LRRC7: variants seen among roughly 807,000 people sequenced by gnomAD.
The protein encoded by LRRC7 is leucine-rich repeat-containing protein 7.
LRRC7 carries 23 observed loss-of-function variants against 175.7 expected under a neutral mutation model. The ratio of observed to expected loss-of-function variants is 0.13; its 90% CI spans 0.09 to 0.19. The LOEUF is 0.19. Ranked by LOEUF, LRRC7 falls within the 10% of genes least tolerant of loss-of-function variation. The probability of loss-of-function intolerance (pLI) is 1.00; values close to 1 mark genes in which losing one functional copy is unlikely to be tolerated. For synonymous variants in LRRC7, 685 were observed against 680.9 expected, an observed-to-expected ratio of 1.01 and a Z score of -0.09; for missense variants, 1,354 against 1,904.7, an observed-to-expected ratio of 0.71 and a Z score of 5.38.
intron 1 of LRRC7, among the ~76,000 whole-genome samples, chr1:69,598,464 G>T (rs545674932): frequency 1.3e-5 from 2 of 152,208 alleles, no homozygotes; most frequent in South Asian, 4.1e-4. Context: ...GATAGGGTAG[G>T]TTGTGGAGAC....
intron 1 of LRRC7, among the ~76,000 whole-genome samples, chr1:69,612,235 T>G (rs969222254): frequency 1.3e-5 from 2 of 152,082 alleles, no homozygotes; most frequent in Non-Finnish European, 2.9e-5. Context: ...TATATATTTT[T>G]CAGACTTAAG....
intron 7 of LRRC7, among the ~76,000 whole-genome samples, chr1:69,922,054 T>C (rs1570663220): frequency 6.6e-6 from 1 of 152,076 alleles, no homozygotes; most frequent in East Asian, 1.9e-4. Flanking sequence ...ACCTTCTGAG[T>C]AGCTGGGATT....
At chr1:70,051,251 A>C (rs946677288) in intron 22 of LRRC7, among the ~76,000 whole-genome samples, 2 of 152,046 alleles carry the variant, frequency 1.3e-5, no homozygotes, top group Non-Finnish European at 2.9e-5. Flanking sequence ...AATTGTGGCC[A>C]CTTCTTAAAA....
chr1:69,608,541 A>T (rs1773325), intron 1 of LRRC7, among the ~76,000 whole-genome samples: 1 of 151,996 alleles, frequency 6.6e-6, no homozygotes, highest in Non-Finnish European at 1.5e-5. Context: ...TCAGTGTCCC[A>T]TAACACCTTA....
intron 8 of LRRC7, among the ~76,000 whole-genome samples, chr1:69,960,545 A>G (rs1030137818): frequency 6.7e-6 from 1 of 148,758 alleles, no homozygotes; most frequent in South Asian, 2.1e-4. Flanking sequence ...GCTCTTGGTT[A>G]TCTAGTTCTT....
intron 2 of LRRC7, among the ~76,000 whole-genome samples, chr1:69,752,716 G>A (rs1184160879): frequency 1.3e-5 from 2 of 152,096 alleles, no homozygotes; most frequent in East Asian, 3.9e-4. Context: ...GCACACTGCA[G>A]TTGTAGAAAA....
rs765702380 is a variant in LRRC7, at chr1:70,124,448, C to G, written c.*2561C>G. Among the ~76,000 whole-genome samples the G allele has an allele frequency of 6.6e-6, 1 of 152,148 alleles. No individual in the cohort carries two copies. Among genetic ancestry groups the G allele is most frequent in the Non-Finnish European group, 1.5e-5 (1 of 68,026 alleles). On this transcript the variant is annotated 3_prime_UTR_variant, in exon 27 of 27. Transcript: ENST00000651989. ...GAGGCATGAGAATCAATCGCTTGACCTGGGAGGCGGAGGTTGCAGTGAGCT... is the reference window on the plus strand; with the variant it reads ...GAGGCATGAGAATCAATCGCTTGACGTGGGAGGCGGAGGTTGCAGTGAGCT...
intron 11 of LRRC7, 55 bp downstream of exon 11, chr1:69,994,688 T>C (rs1654762661): frequency 8.5e-7 from 1 of 1,172,872 alleles, no homozygotes; most frequent in Non-Finnish European, 1.3e-6. Flanking sequence ...AACTAAAGGA[T>C]ATATTGAGTT....
At chr1:69,845,898 A>G (rs1682304531) in intron 7 of LRRC7, among the ~76,000 whole-genome samples, 1 of 152,106 alleles carries the variant, frequency 6.6e-6, no homozygotes, top group South Asian at 2.1e-4. Context: ...ACCAATTTAT[A>G]TCAATTTACA....
rs1311822913 is a variant in LRRC7, at chr1:69,641,114, A to G, written c.3-37267A>G. ...ATTTATTCCTTTATTTTTTCCATGTAACAAGTTATAGTAATATTTTATAAC... is the reference window on the plus strand; with the variant it reads ...ATTTATTCCTTTATTTTTTCCATGTGACAAGTTATAGTAATATTTTATAAC... On this transcript the variant is annotated intron_variant, in intron 1 of 26. Transcript: ENST00000651989. 2.0e-5 allele frequency among the ~76,000 whole-genome samples: 3 copies of G among 151,708 alleles called. No individual in the cohort carries two copies. The East Asian group carries it at 5.8e-4, about 29-fold the overall frequency.
rs1666335627 is a variant in LRRC7, at chr1:70,124,098, C to T, written c.*2211C>T. Among the ~76,000 whole-genome samples the T allele has an allele frequency of 6.6e-6, 1 of 152,186 alleles. No homozygotes were observed. Among genetic ancestry groups the T allele is most frequent in the Non-Finnish European group, 1.5e-5 (1 of 68,024 alleles). On this transcript the variant is annotated 3_prime_UTR_variant, in exon 27 of 27. Coordinates refer to ENST00000651989, the MANE Select transcript of LRRC7 (RefSeq NM_001370785.2). ...GTCCTGAGCCACTTCTTTAGTACTT[C>T]CTGTTCTGCAGTTCAGAAATGAGGA...
chr1:69,946,448 T>C (rs1375431472), intron 8 of LRRC7, among the ~76,000 whole-genome samples: 1 of 152,092 alleles, frequency 6.6e-6, no homozygotes, highest in Non-Finnish European at 1.5e-5. Context: ...GTTTTTTGGG[T>C]ATTTTTTTTA....
At chr1:69,905,726 A>C (rs1415224739) in intron 7 of LRRC7, among the ~76,000 whole-genome samples, 1 of 152,216 alleles carries the variant, frequency 6.6e-6, no homozygotes, top group East Asian at 1.9e-4. Context: ...ATACATGTGC[A>C]TGTGTCTTTA....
intron 23 of LRRC7, among the ~76,000 whole-genome samples, chr1:70,066,169 C>T (rs1190399940): frequency 1.3e-5 from 2 of 151,834 alleles, no homozygotes; most frequent in Non-Finnish European, 2.9e-5. Flanking sequence ...TTCTCATTGC[C>T]ATTAGAGTGC....
At chr1:69,896,213 T>C (rs1397499031) in intron 7 of LRRC7, among the ~76,000 whole-genome samples, 1 of 152,158 alleles carries the variant, frequency 6.6e-6, no homozygotes, top group Non-Finnish European at 1.5e-5. Flanking sequence ...CATGTGATAA[T>C]TTCATATATT....
rs1002268460 is a variant in LRRC7 at position 70,143,752 on chromosome 1, A to G, written c.*21865A>G. On this transcript the variant is annotated 3_prime_UTR_variant, in exon 27 of 27. Coordinates refer to ENST00000651989, the MANE Select transcript of LRRC7 (RefSeq NM_001370785.2). ...ACAATTTTACCATTTTATAAAAAAA[A>G]TCAAATCACAACATGTTTAACTGAA... The G allele has an allele frequency of 5.9e-5, 9 of 152,184 alleles. No individual in the cohort carries two copies. Among genetic ancestry groups the G allele is most frequent in the Non-Finnish European group, 1.2e-4 (8 of 68,032 alleles). 9.4% of individuals were successfully genotyped at this position (152,184 alleles called of 1,614,324 possible). A position where few individuals can be genotyped will look rare whatever the true frequency, so the allele number is the denominator to read the frequency against.
chr1:69,757,724 A>C (rs1381113987), intron 2 of LRRC7, among the ~76,000 whole-genome samples: 1 of 151,944 alleles, frequency 6.6e-6, no homozygotes, highest in Non-Finnish European at 1.5e-5. Flanking sequence ...GACATCAAGA[A>C]ATAGCCATGG....
chr1:69,929,051 T>C (rs1453709139), intron 7 of LRRC7, among the ~76,000 whole-genome samples: 17 of 152,234 alleles, frequency 1.1e-4, no homozygotes, highest in Admixed American at 1.1e-3. Flanking sequence ...TTTACTTATT[T>C]GTTCTTCATA....
chr1:69,610,111 A>G (rs1447396885), intron 1 of LRRC7, among the ~76,000 whole-genome samples: 1 of 152,078 alleles, frequency 6.6e-6, no homozygotes, highest in Non-Finnish European at 1.5e-5. Flanking sequence ...TCTCTGACAG[A>G]TAAGAACCAA....
Sources: gnomAD v4.1 joint callset for allele counts (sites outside exome capture counted in the v4.1 genomes callset) on GRCh38, gnomAD v4.1.1 for gene constraint, MANE v1.5 for transcripts, NCBI Gene and HGNC (gene_info 2026-07-23, HGNC 2026-07-21) for gene names.